Variants in CSF2RA observed in about 807,000 individuals in gnomAD.
CSF2RA encodes the protein granulocyte-macrophage colony-stimulating factor receptor subunit alpha.
CSF2RA carries 42 observed loss-of-function variants against 51.6 expected under a neutral mutation model. The ratio of observed to expected loss-of-function variants is 0.81; its 90% CI spans 0.64 to 1.05. The LOEUF (loss-of-function observed/expected upper bound fraction) is 1.05, where lower values mean the gene tolerates loss of function less well. Among genes scored for constraint, CSF2RA ranks in the 50% least tolerant of loss-of-function variants. The pLI is 0.00. For missense variants in CSF2RA, 530 were observed against 501.1 expected (o/e 1.06, Z -0.55); for synonymous variants, 222 against 193.0 (o/e 1.15, Z -1.24).
intron 12 of CSF2RA, among the ~76,000 whole-genome samples, chrX:1,308,376 G>A (rs186501621): frequency 1.2e-4 from 18 of 152,134 alleles, no homozygotes; most frequent in Non-Finnish European, 1.8e-4. Flanking sequence ...GGTGAGAGGG[G>A]GAGGAAAGAG....
intron 9 of CSF2RA, among the ~76,000 whole-genome samples, chrX:1,299,184 C>G (rs1229398545): frequency 6.6e-6 from 1 of 152,180 alleles, no homozygotes; most frequent in Non-Finnish European, 1.5e-5. Context: ...TTTTATTCCT[C>G]TTTCCTCTAC....
chrX:1,290,480 T>C lies in CSF2RA; in HGVS notation c.617T>C (p.Phe206Ser), dbSNP rs1437736490. 1 of 1,613,936 alleles carries C rather than the reference T, an allele frequency of 6.2e-7. No homozygotes were observed. The highest frequency in any genetic ancestry group is 1.7e-5 in the Admixed American group (1 of 59,984). ...GTSREIGIQF[F>S]DSLLDTKKIE... ...AGCCGAGAAATTGGCATCCAATTCT[T>C]TGATTCACTTTTGGACACAAAGAAA... Residue 206 changes from phenylalanine (F) to serine (S), a missense_variant, in exon 7 of 13, where the codon TTT becomes TCT. Transcript: ENST00000381529.
rs1363606746 is a variant in CSF2RA at position 1,272,410 on chromosome X, G to T, written c.-90-2345G>T. Among the ~76,000 whole-genome samples the T allele has an allele frequency of 5.9e-5, 9 of 151,946 alleles. No homozygotes were observed. In the East Asian group the frequency reaches 1.7e-3, roughly 29 times the overall value. ...AAAAAAAAGGTTATAGGGTTGGGGG[G>T]AAAGAGGAATTCTATTGAGGAGCAA... On this transcript the variant is annotated intron_variant, in intron 1 of 12. Transcript: ENST00000381529.
chrX:1,278,698 A>AAAT (rs1556497849), intron 2 of CSF2RA, among the ~76,000 whole-genome samples: 4 of 147,296 alleles, frequency 2.7e-5, no homozygotes, highest in African/African-American at 5.0e-5. Flanking sequence ...AAAAAAAAAA[A>AAAT]TTCAGGGCAA....
chrX:1,288,649 A>G lies in CSF2RA; in HGVS notation c.343+7A>G, dbSNP rs2091040685. ...CTGCTTTATCCAAATTCAGGTAAGC[A>G]AGACAGCTCAGGGATCCGTTTACAG... is the stretch of plus-strand genomic sequence containing the variant. On this transcript the variant is annotated splice_region_variant and intron_variant, in intron 5 of 12. Coordinates refer to ENST00000381529, the MANE Select transcript of CSF2RA (RefSeq NM_172245.4). 6.2e-7 allele frequency: 1 copy of G among 1,613,978 alleles called. No homozygotes were observed. Among genetic ancestry groups the G allele is most frequent in the Admixed American group, 1.7e-5 (1 of 60,002 alleles).
intron 9 of CSF2RA, chrX:1,295,707 A>C (rs1268276646): frequency 1.5e-6 from 1 of 676,148 alleles, no homozygotes; most frequent in East Asian, 2.6e-5. Context: ...CACCACACCT[A>C]GTGTAAGGAG....
chrX:1,302,397 C>G (rs1332288939), intron 10 of CSF2RA, among the ~76,000 whole-genome samples: 1 of 152,250 alleles, frequency 6.6e-6, no homozygotes, highest in African/African-American at 2.4e-5. Flanking sequence ...CAGTGGTGCA[C>G]CTCTACCTCC....
At chrX:1,287,578 G>T (rs1470913470) in intron 4 of CSF2RA, among the ~76,000 whole-genome samples, 1 of 148,510 alleles carries the variant, frequency 6.7e-6, no homozygotes, top group African/African-American at 2.5e-5. Context: ...TGAGTAGCTG[G>T]GATTACAGGT....
chrX:1,270,239 ATT>A (rs1444559102), intron 1 of CSF2RA, among the ~76,000 whole-genome samples: 5 of 114,398 alleles, frequency 4.4e-5, no homozygotes, highest in African/African-American at 1.7e-4. Context: ...CATATTATAT[ATT>A]TTTTATTATT....
At chrX:1,279,523 C>G (rs1310554028) in intron 2 of CSF2RA, among the ~76,000 whole-genome samples, 1 of 151,806 alleles carries the variant, frequency 6.6e-6, no homozygotes, top group Non-Finnish European at 1.5e-5. Flanking sequence ...CCCACCCAGA[C>G]AGAACATGCA....
intron 2 of CSF2RA, among the ~76,000 whole-genome samples, chrX:1,281,024 T>C (rs868786432): frequency 1.1e-3 from 50 of 45,540 alleles, no homozygotes; most frequent in East Asian, 4.2e-3. Context: ...TCCTCCTCCT[T>C]CTCCTCCTCC....
chrX:1,313,857 G>T, downstream of CSF2RA, among the ~76,000 whole-genome samples: 1 of 151,818 alleles, frequency 6.6e-6, no homozygotes, highest in Admixed American at 6.6e-5. Flanking sequence ...GGGTGTGGTG[G>T]CACCTGTAAT....
chrX:1,322,271 ATTT>A, the CSF2RA span, among the ~76,000 whole-genome samples: 4 of 138,494 alleles, frequency 2.9e-5, no homozygotes, highest in Non-Finnish European at 4.6e-5. Context: ...TCACCCGGCT[ATTT>A]TTTTTTTTTT....
At chrX:1,280,051 A>G (rs2089695265) in intron 2 of CSF2RA, among the ~76,000 whole-genome samples, 1 of 151,878 alleles carries the variant, frequency 6.6e-6, no homozygotes, top group Non-Finnish European at 1.5e-5. Flanking sequence ...TGGCCTCCCA[A>G]AGTGCTGGGA....
the CSF2RA span, among the ~76,000 whole-genome samples, chrX:1,322,559 T>G: frequency 6.6e-6 from 1 of 150,904 alleles, no homozygotes; most frequent in South Asian, 2.1e-4. Context: ...CAGTGCTCAT[T>G]TCATGGAACT....
chrX:1,317,880 C>T, the CSF2RA span, among the ~76,000 whole-genome samples: 1 of 151,292 alleles, frequency 6.6e-6, no homozygotes, highest in South Asian at 2.1e-4. Flanking sequence ...ACTCTTGGCT[C>T]ACGGCAGCCT....
intron 3 of CSF2RA, among the ~76,000 whole-genome samples, chrX:1,284,022 T>C (rs28436881): frequency 0.24 from 36,915 of 151,740 alleles, 5,017 homozygotes; most frequent in East Asian, 0.52. Flanking sequence ...TGTGACCTGG[T>C]TCAGGGAAGA....
At chrX:1,314,963 C>T (rs866062040), downstream of CSF2RA, among the ~76,000 whole-genome samples, 10 of 108,282 alleles carry the variant, frequency 9.2e-5, no homozygotes, top group South Asian at 3.3e-4. Flanking sequence ...GCCTGCCCAA[C>T]CCCACTGTGC....
intron 9 of CSF2RA, among the ~76,000 whole-genome samples, chrX:1,299,294 G>A (rs185619421): frequency 8.5e-5 from 13 of 152,184 alleles, no homozygotes; most frequent in African/African-American, 2.4e-4. Context: ...ACCAAGTCTC[G>A]CGGCCACTCT....
Sources: allele counts gnomAD v4.1 joint callset (sites outside exome capture counted in the v4.1 genomes callset), GRCh38; gene constraint gnomAD v4.1.1; transcripts MANE v1.5; gene names NCBI Gene and HGNC (gene_info 2026-07-23, HGNC 2026-07-21).